The following ATP11B variants were observed in gnomAD, a reference collection of about 807,000 sequenced individuals.
ATP11B encodes the protein ATPase phospholipid transporting 11B (putative), also known as phospholipid-transporting ATPase IF.
In ATP11B, 81 loss-of-function variants were observed where a neutral mutation model predicts 157.8. The observed-to-expected ratio is 0.51, with a 90% CI of 0.43 to 0.62. The LOEUF (loss-of-function observed/expected upper bound fraction) is 0.62. ATP11B is among the 20% of genes least tolerant of loss of function. The pLI is 0.00. For synonymous variants in ATP11B, 451 were observed against 469.4 expected (o/e 0.96, Z 0.51); for missense variants, 1,165 against 1,402.2 (o/e 0.83, Z 2.70).
intron 20 of ATP11B, among the ~76,000 whole-genome samples, chr3:182,880,055 GATAA>G (rs1186754492): frequency 2.6e-5 from 4 of 152,182 alleles, no homozygotes; most frequent in Non-Finnish European, 4.4e-5. Context: ...GCTATAAAGT[GATAA>G]ATAGAGCTTT....
chr3:182,920,513 C>G lies in ATP11B; in HGVS notation c.*2409C>G, dbSNP rs1250122913. 1 of 152,208 alleles carries G rather than the reference C, an allele frequency of 6.6e-6. No individual in the cohort carries two copies. The highest frequency in any genetic ancestry group is 1.5e-5 in the Non-Finnish European group (1 of 68,038). 9.4% of individuals were successfully genotyped at this position (152,208 alleles called of 1,614,324 possible). A position where few individuals can be genotyped will look rare whatever the true frequency, so the allele number is the denominator to read the frequency against. ...TTTGCATATTTCTTTAAAATTCTTT[C>G]TTTGGAAAGTATGATGTTGATAATT... On this transcript the variant is annotated 3_prime_UTR_variant, in exon 30 of 30. Transcript: ENST00000323116.
chr3:182,836,483 A>T lies in ATP11B; in HGVS notation c.552+13A>T. On this transcript the variant is annotated intron_variant, in intron 6 of 29. Coordinates refer to ENST00000323116, the MANE Select transcript of ATP11B (RefSeq NM_014616.3). Reference sequence around the variant, plus strand: ...AACTAACCTGAAGGTTTGCTTGCATATGTTTGAGTATTGCTCTTGGTGAAC... The same window carrying T: ...AACTAACCTGAAGGTTTGCTTGCATTTGTTTGAGTATTGCTCTTGGTGAAC... The T allele has an allele frequency of 6.2e-7, 1 of 1,613,782 alleles. No homozygotes were observed. The highest frequency in any genetic ancestry group is 8.5e-7 in the Non-Finnish European group (1 of 1,179,792).
intron 17 of ATP11B, among the ~76,000 whole-genome samples, chr3:182,869,958 T>C (rs1358188253): frequency 2.0e-5 from 3 of 152,206 alleles, no homozygotes; most frequent in African/African-American, 4.8e-5. Context: ...TGCTACAACA[T>C]GGACGAATCT....
intron 24 of ATP11B, 124 bp downstream of exon 24, chr3:182,887,837 A>G (rs1469551879): frequency 9.7e-7 from 1 of 1,028,586 alleles, no homozygotes; most frequent in Non-Finnish European, 1.4e-6. Flanking sequence ...TATGATTTAC[A>G]GTTGTTGAAT....
At chr3:182,823,475 T>G (rs1717505509) in intron 2 of ATP11B, among the ~76,000 whole-genome samples, 1 of 152,044 alleles carries the variant, frequency 6.6e-6, no homozygotes, top group Non-Finnish European at 1.5e-5. Flanking sequence ...TTGGTCTATA[T>G]ATCTGTTTTG....
chr3:182,800,378 C>T (rs1416778363), intron 1 of ATP11B, among the ~76,000 whole-genome samples: 5 of 117,166 alleles, frequency 4.3e-5, no homozygotes, highest in Non-Finnish European at 9.0e-5. Context: ...TTTGCCACCA[C>T]ACCCAGCTAA....
At chr3:182,882,647 G>A (rs571611106) in intron 21 of ATP11B, among the ~76,000 whole-genome samples, 26 of 152,170 alleles carry the variant, frequency 1.7e-4, no homozygotes, top group African/African-American at 6.0e-4. Flanking sequence ...TTTGCGGTAT[G>A]GAAGAATCTT....
chr3:182,881,044 T>C, intron 21 of ATP11B, 63 bp downstream of exon 21: 4 of 1,270,002 alleles, frequency 3.1e-6, no homozygotes, highest in Non-Finnish European at 4.4e-6. Flanking sequence ...TATTTGGTGG[T>C]TTTTAATTTT....
At chr3:182,852,301 T>C (rs1467354923) in intron 10 of ATP11B, among the ~76,000 whole-genome samples, 2 of 152,150 alleles carry the variant, frequency 1.3e-5, no homozygotes, top group Non-Finnish European at 2.9e-5. Context: ...GCTATAAAGT[T>C]GACAAATTCC....
intron 6 of ATP11B, 141 bp downstream of exon 6, chr3:182,836,611 G>T (rs982320231): frequency 2.0e-6 from 2 of 1,018,934 alleles, no homozygotes; most frequent in African/African-American, 3.3e-5. Context: ...AAATAAAAAG[G>T]TTTTAAGAAA....
At chr3:182,817,807 TCTTAA>T (rs1024386318) in intron 1 of ATP11B, among the ~76,000 whole-genome samples, 1 of 152,156 alleles carries the variant, frequency 6.6e-6, no homozygotes, top group Non-Finnish European at 1.5e-5. Context: ...TTTTTTTGTT[TCTTAA>T]CTTTAGATGT....
chr3:182,853,198 A>G (rs931917222), intron 10 of ATP11B, among the ~76,000 whole-genome samples: 3 of 152,152 alleles, frequency 2.0e-5, no homozygotes, highest in Admixed American at 6.5e-5. Context: ...AGGTAAATAA[A>G]GAGAAACCTT....
chr3:182,909,363 G>T (rs1724602811), intron 28 of ATP11B, among the ~76,000 whole-genome samples: 1 of 152,182 alleles, frequency 6.6e-6, no homozygotes, highest in Non-Finnish European at 1.5e-5. Flanking sequence ...ATTCCTGGGA[G>T]CAAGTGTGGT....
chr3:182,906,641 G>A (rs551667795), intron 28 of ATP11B, among the ~76,000 whole-genome samples: 33 of 152,138 alleles, frequency 2.2e-4, no homozygotes, highest in African/African-American at 7.5e-4. Flanking sequence ...TGTGGAGACT[G>A]GGTCTCGCCG....
chr3:182,887,815 C>T, intron 24 of ATP11B, 102 bp downstream of exon 24: 1 of 1,225,738 alleles, frequency 8.2e-7, no homozygotes, highest in Non-Finnish European at 1.1e-6. Flanking sequence ...AAGGAAAGTT[C>T]TTTAGTTGTC....
intron 19 of ATP11B, among the ~76,000 whole-genome samples, chr3:182,874,529 A>G (rs923139431): frequency 3.3e-5 from 5 of 152,200 alleles, no homozygotes; most frequent in Non-Finnish European, 7.4e-5. Flanking sequence ...CACTGTGGAT[A>G]GGGGATTATT....
chr3:182,801,153 G>C (rs1255739556), intron 1 of ATP11B, among the ~76,000 whole-genome samples: 2 of 152,110 alleles, frequency 1.3e-5, no homozygotes, highest in African/African-American at 4.8e-5. Context: ...TTAAGTTATG[G>C]CTTATGCAGA....
Position 182,918,556 on chromosome 3 carries a change from T to TTA in ATP11B, c.*456_*457dup, listed in dbSNP as rs1433814760. The TTA allele has an allele frequency of 2.5e-6, 1 of 392,598 alleles. No individual in the cohort carries two copies. The highest frequency in any genetic ancestry group is 4.5e-6 in the Non-Finnish European group (1 of 222,454). 24.3% of individuals were successfully genotyped at this position (392,598 alleles called of 1,614,324 possible). On this transcript the variant is annotated 3_prime_UTR_variant, in exon 30 of 30. Coordinates refer to ENST00000323116, the MANE Select transcript of ATP11B (RefSeq NM_014616.3). ...TGAGAACTCTATTTTTTTATTAGAG[T>TTA]TATATTTAAAGCTTTTCATGGGAAA... is the stretch of plus-strand genomic sequence containing the variant.
At chr3:182,912,668 C>G (rs1431676973) in intron 28 of ATP11B, among the ~76,000 whole-genome samples, 5 of 152,184 alleles carry the variant, frequency 3.3e-5, no homozygotes, top group African/African-American at 1.2e-4. Context: ...GAGCATGGAT[C>G]TTGCAGGACA....
Sources: gnomAD v4.1 joint callset for allele counts (sites outside exome capture counted in the v4.1 genomes callset) on GRCh38, gnomAD v4.1.1 for gene constraint, MANE v1.5 for transcripts, NCBI Gene and HGNC (gene_info 2026-07-23, HGNC 2026-07-21) for gene names.